Variants in SDK1 observed in about 807,000 individuals in gnomAD.
The protein encoded by SDK1 is sidekick cell adhesion molecule 1, also known as protein sidekick-1.
Under a neutral mutation model 245.5 loss-of-function variants are expected in SDK1, and 157 were observed. The ratio of observed to expected loss-of-function variants is 0.64; its 90% CI spans 0.56 to 0.73. The LOEUF is 0.73. SDK1 is among the 30% of genes least tolerant of loss of function. SDK1 has a pLI of 0.00. For synonymous variants in SDK1, 1,647 were observed against 1,278.5 expected (o/e 1.29, Z -6.15); for missense variants, 3,583 against 3,002.3 (o/e 1.19, Z -4.52).
intron 15 of SDK1, among the ~76,000 whole-genome samples, chr7:4,011,460 G>A (rs1039617243): frequency 2.0e-5 from 3 of 152,226 alleles, no homozygotes; most frequent in African/African-American, 4.8e-5. Context: ...CCGGGTGGAC[G>A]CTGATGCCAC....
intron 1 of SDK1, among the ~76,000 whole-genome samples, chr7:3,469,070 A>G (rs1333307243): frequency 2.0e-5 from 3 of 152,090 alleles, no homozygotes; most frequent in Non-Finnish European, 1.5e-5. Context: ...GATTTTATTT[A>G]TTTATTTTTA....
intron 1 of SDK1, among the ~76,000 whole-genome samples, chr7:3,513,917 G>T (rs980978035): frequency 3.3e-5 from 5 of 152,110 alleles, no homozygotes; most frequent in African/African-American, 9.7e-5. Flanking sequence ...ATTTGCCTAG[G>T]ATAGTGGCCT....
At chr7:4,137,784 C>T (rs1779191050) in intron 28 of SDK1, among the ~76,000 whole-genome samples, 1 of 152,166 alleles carries the variant, frequency 6.6e-6, no homozygotes, top group African/African-American at 2.4e-5. Context: ...AAGTGCAGCG[C>T]ACTGATGTTT....
At chr7:3,773,304 C>T (rs1159461231) in intron 4 of SDK1, among the ~76,000 whole-genome samples, 2 of 152,046 alleles carry the variant, frequency 1.3e-5, no homozygotes, top group African/African-American at 4.8e-5. Context: ...TTCTTTCTTC[C>T]ACCTCATTAA....
At chr7:3,470,408 T>C (rs923225789) in intron 1 of SDK1, among the ~76,000 whole-genome samples, 1 of 152,202 alleles carries the variant, frequency 6.6e-6, no homozygotes, top group South Asian at 2.1e-4. Context: ...AGTTTTAGTA[T>C]AGAAATATAA....
intron 41 of SDK1, among the ~76,000 whole-genome samples, chr7:4,233,655 G>A (rs1785952342): frequency 6.6e-6 from 1 of 152,172 alleles, no homozygotes; most frequent in South Asian, 2.1e-4. Context: ...AGTCAAGCGG[G>A]ACGAAAGGGA....
intron 1 of SDK1, among the ~76,000 whole-genome samples, chr7:3,318,767 T>C (rs1779724656): frequency 6.6e-6 from 1 of 152,234 alleles, no homozygotes; most frequent in African/African-American, 2.4e-5. Flanking sequence ...GGTACCATCA[T>C]TGTTGGTTTT....
In SDK1 at chr7:3,635,320, A is replaced by G. The variant is rs73673662; in HGVS notation, c.459-3684A>G. Among the ~76,000 whole-genome samples, 843 of 152,314 alleles carry G rather than the reference A, an allele frequency of 5.5e-3. 8 individuals are homozygous for G. Among genetic ancestry groups the G allele is most frequent in the African/African-American group, 0.02 (812 of 41,574 alleles). ...ATTAATCCTTCCCTAGGAGCTCAAG[A>G]AGATTATCAGAGGGGAAAACATAGT... On this transcript the variant is annotated intron_variant, in intron 2 of 44. Coordinates refer to ENST00000404826, the MANE Select transcript of SDK1 (RefSeq NM_152744.4).
chr7:3,494,912 C>G (rs985822200), intron 1 of SDK1, among the ~76,000 whole-genome samples: 6 of 152,216 alleles, frequency 3.9e-5, no homozygotes. Flanking sequence ...GTCTCCTTCT[C>G]TCTATCTGCA....
chr7:4,010,010 G>A (rs531629139), intron 14 of SDK1, among the ~76,000 whole-genome samples: 12 of 152,314 alleles, frequency 7.9e-5, no homozygotes, highest in Non-Finnish European at 1.2e-4. Context: ...CCAACACTAT[G>A]GTGGAAAGCA....
chr7:4,234,483 C>T (rs1786018787), intron 41 of SDK1, among the ~76,000 whole-genome samples: 1 of 152,100 alleles, frequency 6.6e-6, no homozygotes, highest in South Asian at 2.1e-4. Flanking sequence ...GTGCCCAAAG[C>T]CTACCACAGG....
At chr7:3,770,261 A>G (rs1780371891) in intron 4 of SDK1, among the ~76,000 whole-genome samples, 3 of 152,178 alleles carry the variant, frequency 2.0e-5, no homozygotes, top group Admixed American at 2.0e-4. Context: ...TAATTCCCTT[A>G]AAGTCCATAC....
intron 35 of SDK1, among the ~76,000 whole-genome samples, chr7:4,194,549 A>C (rs555468675): frequency 3.2e-4 from 49 of 152,250 alleles, no homozygotes; most frequent in Non-Finnish European, 5.1e-4. Context: ...GGCTATCTGC[A>C]AGCTCGAGGA....
At chr7:3,304,161 G>A (rs1045176188) in intron 1 of SDK1, among the ~76,000 whole-genome samples, 2 of 152,212 alleles carry the variant, frequency 1.3e-5, no homozygotes, top group Non-Finnish European at 2.9e-5. Context: ...TCTTCCAAAT[G>A]TAACTTTAAT....
At chr7:3,524,683 A>G (rs1374560140) in intron 1 of SDK1, among the ~76,000 whole-genome samples, 1 of 152,222 alleles carries the variant, frequency 6.6e-6, no homozygotes, top group East Asian at 1.9e-4. Flanking sequence ...CATGTTTGAT[A>G]GTCAACGTTA....
chr7:3,347,960 A>G (rs981183403), intron 1 of SDK1, among the ~76,000 whole-genome samples: 1 of 151,472 alleles, frequency 6.6e-6, no homozygotes, highest in Admixed American at 6.6e-5. Flanking sequence ...AAGTGTAAGT[A>G]TTTTGCTTCC....
intron 5 of SDK1, among the ~76,000 whole-genome samples, chr7:3,839,422 C>G (rs1780103010): frequency 6.6e-6 from 1 of 152,098 alleles, no homozygotes; most frequent in South Asian, 2.1e-4. Flanking sequence ...GCCAATAGAT[C>G]ATTAAAAATA....
intron 40 of SDK1, among the ~76,000 whole-genome samples, chr7:4,228,685 G>A (rs1785576496): frequency 6.6e-6 from 1 of 152,172 alleles, no homozygotes; most frequent in Non-Finnish European, 1.5e-5. Flanking sequence ...GATTACAGGA[G>A]CGTGCCATCA....
chr7:3,917,901 G>C (rs1250580850), intron 5 of SDK1, among the ~76,000 whole-genome samples: 1 of 152,162 alleles, frequency 6.6e-6, no homozygotes, highest in Non-Finnish European at 1.5e-5. Context: ...TCCATACAAA[G>C]ATGGGAAGAT....
Sources: gnomAD v4.1 joint callset for allele counts (sites outside exome capture counted in the v4.1 genomes callset) on GRCh38, gnomAD v4.1.1 for gene constraint, MANE v1.5 for transcripts, NCBI Gene and HGNC (gene_info 2026-07-23, HGNC 2026-07-21) for gene names.